Variants in PTPRJ observed in about 807,000 individuals in gnomAD.
The protein encoded by PTPRJ is receptor-type tyrosine-protein phosphatase eta.
In PTPRJ, 129 loss-of-function variants were observed where a neutral mutation model predicts 141.3. That is an observed-to-expected ratio of 0.91 (90% CI 0.79 to 1.06). The LOEUF is 1.06. Ranked by LOEUF, PTPRJ falls within the 50% of genes least tolerant of loss-of-function variation. PTPRJ has a pLI of 0.00. For synonymous variants in PTPRJ, 610 were observed against 640.5 expected (o/e 0.95, Z 0.72); for missense variants, 1,601 against 1,679.7 (o/e 0.95, Z 0.82).
chr11:48,139,689 T>C lies in PTPRJ; in HGVS notation c.2356T>C (p.Ser786Pro). The C allele has an allele frequency of 6.2e-7, 1 of 1,614,148 alleles. No individual in the cohort carries two copies. The highest frequency in any genetic ancestry group is 8.5e-7 in the Non-Finnish European group (1 of 1,180,016). ...YRTEVTYLNF[S>P]TSYNISITTV... ...AACGGAAGTCACGTATTTGAATTTT[T>C]CTACCTCGTACAACATCAGCATCAC... The change falls in exon 11 of 25, where the codon TCT becomes CCT. Residue 786 changes from serine (S) to proline (P), a missense_variant. Physicochemically the swap from Ser to Pro is moderately conservative, Grantham distance 74. Transcript: ENST00000418331.
intron 3 of PTPRJ, among the ~76,000 whole-genome samples, chr11:48,115,001 C>G (rs1384026391): frequency 6.6e-6 from 1 of 151,764 alleles, no homozygotes; most frequent in Non-Finnish European, 1.5e-5. Flanking sequence ...TGAAAATATA[C>G]AGAGGAGGAA....
At chr11:48,099,034 A>C (rs1856087897) in intron 1 of PTPRJ, among the ~76,000 whole-genome samples, 1 of 152,210 alleles carries the variant, frequency 6.6e-6, no homozygotes, top group African/African-American at 2.4e-5. Context: ...GGGCTTGAGG[A>C]GAGTCCTGCC....
At chr11:48,040,609 C>CTT (rs371103069) in intron 1 of PTPRJ, among the ~76,000 whole-genome samples, 165 of 146,066 alleles carry the variant, frequency 1.1e-3, no homozygotes, top group Middle Eastern at 3.4e-3. Context: ...TCTTCTTCTT[C>CTT]TTCTTTTTTT....
intron 1 of PTPRJ, among the ~76,000 whole-genome samples, chr11:48,017,615 C>T (rs1039502418): frequency 1.3e-5 from 2 of 152,144 alleles, no homozygotes; most frequent in African/African-American, 4.8e-5. Context: ...GAGGGCTAGC[C>T]ACACTGAACA....
intron 1 of PTPRJ, among the ~76,000 whole-genome samples, chr11:48,066,878 C>A (rs1480158348): frequency 1.3e-5 from 2 of 152,092 alleles, no homozygotes; most frequent in African/African-American, 2.4e-5. Context: ...GAGCCACCGC[C>A]CCCAGCCTTC....
chr11:48,000,294 C>T (rs1009165543), intron 1 of PTPRJ, among the ~76,000 whole-genome samples: 1 of 151,770 alleles, frequency 6.6e-6, no homozygotes, highest in Non-Finnish European at 1.5e-5. Flanking sequence ...ATGTGTGCCA[C>T]CTCTCCTGGG....
At position 48,167,186 on chromosome 11, in the gene PTPRJ, C is replaced by G; in HGVS notation, c.3856-18C>G. 6.3e-7 allele frequency: 1 copy of G among 1,597,072 alleles called. No homozygotes were observed. The highest frequency in any genetic ancestry group is 8.6e-7 in the Non-Finnish European group (1 of 1,169,288). On this transcript the variant is annotated intron_variant, in intron 24 of 24. Transcript: ENST00000418331. ...ACCCATGTTCATTTTCTGTCTCTCT[C>G]TTTCGTTTTTCTATCAGGACCAGTA...
At chr11:48,021,846 T>C (rs1237286338) in intron 1 of PTPRJ, among the ~76,000 whole-genome samples, 1 of 152,256 alleles carries the variant, frequency 6.6e-6, no homozygotes, top group Non-Finnish European at 1.5e-5. Flanking sequence ...CTGGATGATA[T>C]ACTTCATTAT....
At position 48,163,513 on chromosome 11, in the gene PTPRJ, A is replaced by T; in HGVS notation, c.3614A>T (p.Asp1205Val). 1 of 1,613,982 alleles carries T rather than the reference A, an allele frequency of 6.2e-7. No homozygotes were observed. The highest frequency in any genetic ancestry group is 8.5e-7 in the Non-Finnish European group (1 of 1,179,896). The change falls in exon 23 of 25, where the codon GAC (aspartate) becomes GTC (valine). Residue 1205 changes from aspartate to valine, a missense_variant. Coordinates refer to ENST00000418331, the MANE Select transcript of PTPRJ (RefSeq NM_002843.4). ...LRQFHFTSWP[D>V]HGVPDTTDLL... The stretch of plus-strand genomic sequence containing the variant: ...CAGTTCCATTTCACCTCCTGGCCAG[A>T]CCACGGTGTTCCCGACACCACTGAC...
At chr11:48,031,321 G>T (rs1476849706) in intron 1 of PTPRJ, among the ~76,000 whole-genome samples, 1 of 151,778 alleles carries the variant, frequency 6.6e-6, no homozygotes, top group African/African-American at 2.4e-5. Context: ...GTCAGTTCTG[G>T]TCTGTCCTCT....
At chr11:48,025,826 C>G (rs144120807) in intron 1 of PTPRJ, among the ~76,000 whole-genome samples, 4 of 152,242 alleles carry the variant, frequency 2.6e-5, no homozygotes, top group East Asian at 1.9e-4. Flanking sequence ...TTCCCTCCCC[C>G]TGAATCCCTC....
At chr11:48,013,440 A>T (rs1386917436) in intron 1 of PTPRJ, among the ~76,000 whole-genome samples, 1 of 152,184 alleles carries the variant, frequency 6.6e-6, no homozygotes, top group Non-Finnish European at 1.5e-5. Flanking sequence ...GGTCCTCGGG[A>T]TCTGAAGGCC....
chr11:47,994,554 A>G (rs966153011), intron 1 of PTPRJ, among the ~76,000 whole-genome samples: 2 of 152,098 alleles, frequency 1.3e-5, no homozygotes, highest in Non-Finnish European at 2.9e-5. Context: ...AGGCTGAGGC[A>G]TGAGCATCAC....
intron 1 of PTPRJ, among the ~76,000 whole-genome samples, chr11:47,981,623 T>C (rs1853910344): frequency 6.6e-6 from 1 of 152,218 alleles, no homozygotes; most frequent in African/African-American, 2.4e-5. Context: ...GCGTCGTGCT[T>C]GATTTCATGG....
intron 8 of PTPRJ, among the ~76,000 whole-genome samples, chr11:48,130,985 ATGTG>A (rs1026619476): frequency 2.0e-5 from 3 of 147,888 alleles, no homozygotes; most frequent in African/African-American, 7.4e-5. Context: ...ACACAAATAT[ATGTG>A]TGAGTATACA....
chr11:48,012,724 A>C (rs1212134985), intron 1 of PTPRJ, among the ~76,000 whole-genome samples: 1 of 152,098 alleles, frequency 6.6e-6, no homozygotes, highest in Non-Finnish European at 1.5e-5. Flanking sequence ...CAGGCACTAA[A>C]ATTTGCATAT....
intron 1 of PTPRJ, among the ~76,000 whole-genome samples, chr11:48,057,385 C>T (rs926066789): frequency 1.2e-4 from 19 of 152,152 alleles, no homozygotes; most frequent in African/African-American, 1.7e-4. Flanking sequence ...TTAAGAGAGG[C>T]ACAGTGTAAA....
At position 48,111,237 on chromosome 11, in the gene PTPRJ, T is replaced by C. The variant is rs542360152; in HGVS notation, c.115+1161T>C. Reference sequence around the variant, plus strand: ...GGAGGCTGCAGTGAGCCGAGATCACTCCATTGCACTCCAGCCTGGGCAACA... The same window carrying C: ...GGAGGCTGCAGTGAGCCGAGATCACCCCATTGCACTCCAGCCTGGGCAACA... On this transcript the variant is annotated intron_variant, in intron 2 of 24. Coordinates refer to ENST00000418331, the MANE Select transcript of PTPRJ (RefSeq NM_002843.4). 1.2e-3 allele frequency among the ~76,000 whole-genome samples: 156 copies of C among 124,910 alleles called. 1 individual carries two copies. Among genetic ancestry groups the C allele is most frequent in the Non-Finnish European group, 1.7e-3 (108 of 64,174 alleles). 81.9% of individuals were successfully genotyped at this position (124,910 alleles called of 152,430 possible). A position where few individuals can be genotyped will look rare whatever the true frequency, so the allele number is the denominator to read the frequency against.
Position 48,110,079 on chromosome 11 carries a change from G to GAGT in PTPRJ, c.115+5_115+7dup, listed in dbSNP as rs764203582. ...TCAGATCCTGTGCGCAGGTGGCAGT[G>GAGT]AGTACCCTTTTCCTCTCTATTCTTG... is the stretch of plus-strand genomic sequence containing the variant. On this transcript the variant is annotated splice_donor_region_variant and intron_variant, in intron 2 of 24. Transcript: ENST00000418331. 2.5e-6 allele frequency: 4 copies of GAGT among 1,613,492 alleles called. No individual in the cohort carries two copies. The Admixed American group carries it at 5.0e-5, about 20-fold the overall frequency.
Sources: allele counts gnomAD v4.1 joint callset (sites outside exome capture counted in the v4.1 genomes callset), GRCh38; gene constraint gnomAD v4.1.1; transcripts MANE v1.5; gene names NCBI Gene and HGNC (gene_info 2026-07-23, HGNC 2026-07-21).